Variants in BRINP3 observed in about 807,000 individuals in gnomAD.
BRINP3 encodes BMP/retinoic acid inducible neural specific 3.
Under a neutral mutation model 71.0 loss-of-function variants are expected in BRINP3, and 19 were observed. The ratio of observed to expected loss-of-function variants is 0.27; its 90% CI spans 0.19 to 0.39. The LOEUF (loss-of-function observed/expected upper bound fraction) is 0.39. Among genes scored for constraint, BRINP3 ranks in the 10% least tolerant of loss-of-function variants. BRINP3 has a pLI of 1.00. For missense variants in BRINP3, 959 were observed against 940.8 expected (o/e 1.02, Z -0.25); for synonymous variants, 380 against 337.7 (o/e 1.13, Z -1.37).
At chr1:190,365,668 T>C (rs2102153044) in intron 2 of BRINP3, among the ~76,000 whole-genome samples, 1 of 145,226 alleles carries the variant, frequency 6.9e-6, no homozygotes, top group African/African-American at 2.5e-5. Flanking sequence ...TATATTATAA[T>C]TAATATAATA....
At chr1:190,173,075 A>G (rs1012976870) in intron 6 of BRINP3, among the ~76,000 whole-genome samples, 3 of 152,114 alleles carry the variant, frequency 2.0e-5, no homozygotes, top group Non-Finnish European at 4.4e-5. Context: ...CCCATTTAAA[A>G]TCCCTTGTTT....
At chr1:190,306,974 C>G (rs1298345394) in intron 2 of BRINP3, among the ~76,000 whole-genome samples, 1 of 151,810 alleles carries the variant, frequency 6.6e-6, no homozygotes, top group Non-Finnish European at 1.5e-5. Flanking sequence ...ACTAGTTTCT[C>G]CAAAAATAAA....
chr1:190,244,937 C>A (rs1659445334), intron 4 of BRINP3, among the ~76,000 whole-genome samples: 1 of 151,902 alleles, frequency 6.6e-6, no homozygotes, highest in Non-Finnish European at 1.5e-5. Flanking sequence ...TATCTTATTG[C>A]TTAAAACTTA....
At chr1:190,184,696 T>G (rs1236940171) in intron 6 of BRINP3, among the ~76,000 whole-genome samples, 2 of 152,104 alleles carry the variant, frequency 1.3e-5, no homozygotes, top group Admixed American at 6.6e-5. Flanking sequence ...TGGGCACTCA[T>G]GTACATAAAC....
At chr1:190,471,154 A>G (rs1677112384) in intron 1 of BRINP3, among the ~76,000 whole-genome samples, 1 of 151,178 alleles carries the variant, frequency 6.6e-6, no homozygotes. Flanking sequence ...TTGTGAGGAT[A>G]TTTCATAACC....
chr1:190,342,513 A>T (rs1446847193), intron 2 of BRINP3: 8 of 151,148 alleles, frequency 5.3e-5, no homozygotes, highest in Admixed American at 2.0e-4. Flanking sequence ...GTCTCTCTGG[A>T]GTCAAATATT....
intron 7 of BRINP3, among the ~76,000 whole-genome samples, chr1:190,119,273 T>TA (rs1317564679): frequency 1.3e-5 from 2 of 149,966 alleles, no homozygotes; most frequent in Non-Finnish European, 3.0e-5. Flanking sequence ...TTATTTTTAT[T>TA]TTATTATTAT....
rs61818808 is a variant in BRINP3 at position 190,443,062 on chromosome 1, G to A, written c.236+11593C>T. ...CAAGTAGCTGGGACTATGGGCGTGCGCCACTGCACCCGTCTACATTTTGTA... is the reference window on the plus strand; with the variant it reads ...CAAGTAGCTGGGACTATGGGCGTGCACCACTGCACCCGTCTACATTTTGTA... On this transcript the variant is annotated intron_variant, in intron 2 of 7. Coordinates refer to ENST00000367462, the MANE Select transcript of BRINP3 (RefSeq NM_199051.3). Among the ~76,000 whole-genome samples the A allele has an allele frequency of 8.9e-3, 1,346 of 151,702 alleles. 12 individuals carry two copies. Among genetic ancestry groups the A allele is most frequent in the Admixed American group, 0.015 (236 of 15,254 alleles).
chr1:190,337,740 C>T (rs1338831690), intron 2 of BRINP3, among the ~76,000 whole-genome samples: 2 of 152,042 alleles, frequency 1.3e-5, no homozygotes, highest in African/African-American at 2.4e-5. Flanking sequence ...CTTGTGATCA[C>T]GTCAGTCAAT....
chr1:190,425,367 C>T lies in BRINP3; in HGVS notation c.236+29288G>A, dbSNP rs572067769. Among the ~76,000 whole-genome samples the T allele has an allele frequency of 2.6e-5, 4 of 151,818 alleles. No individual in the cohort carries two copies. In the East Asian group the frequency reaches 7.7e-4, roughly 29 times the overall value. On this transcript the variant is annotated intron_variant, in intron 2 of 7. Transcript: ENST00000367462. Reference sequence around the variant, plus strand: ...TAAAAACTCAGTAGACTGATGCTGGCAAGCACATAGATTTTGTCTCAACAT... The same window carrying T: ...TAAAAACTCAGTAGACTGATGCTGGTAAGCACATAGATTTTGTCTCAACAT...
chr1:190,347,164 C>T (rs1052290871), intron 2 of BRINP3, among the ~76,000 whole-genome samples: 5 of 152,034 alleles, frequency 3.3e-5, no homozygotes, highest in Admixed American at 1.3e-4. Flanking sequence ...TTTCTTTAGA[C>T]GGAGTCTTGC....
At chr1:190,301,150 CATACATATATAT>C (rs1179076076) in intron 2 of BRINP3, among the ~76,000 whole-genome samples, 2 of 103,282 alleles carry the variant, frequency 1.9e-5, no homozygotes, top group African/African-American at 6.9e-5. Flanking sequence ...TATATACACA[CATACATATATAT>C]ATACATATAT....
chr1:190,455,087 TA>T (rs1675898077), intron 1 of BRINP3, 147 bp from the exon 2 acceptor site: 4 of 493,718 alleles, frequency 8.1e-6, no homozygotes, highest in Non-Finnish European at 7.1e-6. Flanking sequence ...AAACCAAAAT[TA>T]TTTTTTTAGA....
At chr1:190,428,792 AT>A (rs1363842190) in intron 2 of BRINP3, among the ~76,000 whole-genome samples, 17 of 152,084 alleles carry the variant, frequency 1.1e-4, no homozygotes, top group African/African-American at 3.9e-4. Flanking sequence ...ATGTACAATG[AT>A]TATGGGTCAA....
intron 6 of BRINP3, among the ~76,000 whole-genome samples, chr1:190,200,108 C>A (rs932293234): frequency 2.0e-5 from 3 of 152,104 alleles, no homozygotes; most frequent in African/African-American, 7.2e-5. Flanking sequence ...CTTTGTTTCC[C>A]TTCTTTGTAA....
At chr1:190,246,693 AC>A (rs777359529) in intron 4 of BRINP3, among the ~76,000 whole-genome samples, 116 of 152,200 alleles carry the variant, frequency 7.6e-4, no homozygotes, top group African/African-American at 2.3e-3. Context: ...TCTGCCATGA[AC>A]TAAATGAAAC....
chr1:190,244,123 G>A (rs1203105772), intron 4 of BRINP3, among the ~76,000 whole-genome samples: 1 of 151,866 alleles, frequency 6.6e-6, no homozygotes, highest in Non-Finnish European at 1.5e-5. Context: ...TAACGAACTT[G>A]AATCATCCTG....
intron 2 of BRINP3, among the ~76,000 whole-genome samples, chr1:190,298,057 T>C (rs1664387862): frequency 6.6e-6 from 1 of 152,110 alleles, no homozygotes; most frequent in African/African-American, 2.4e-5. Context: ...ATATAATCTG[T>C]GGTCGTTTGT....
chr1:190,135,225 T>A (rs1286602729), intron 7 of BRINP3, among the ~76,000 whole-genome samples: 2 of 152,032 alleles, frequency 1.3e-5, no homozygotes, highest in Non-Finnish European at 2.9e-5. Flanking sequence ...AATCAAGAAC[T>A]AGTAATGCTG....
Sources: allele counts gnomAD v4.1 joint callset (sites outside exome capture counted in the v4.1 genomes callset), GRCh38; gene constraint gnomAD v4.1.1; transcripts MANE v1.5; gene names NCBI Gene and HGNC (gene_info 2026-07-23, HGNC 2026-07-21).